The following ERC2 variants were observed in gnomAD, a reference collection of about 807,000 sequenced individuals.
ERC2 encodes ERC protein 2.
ERC2 carries 42 observed loss-of-function variants against 114.8 expected under a neutral mutation model. The ratio of observed to expected loss-of-function variants is 0.37; its 90% CI spans 0.29 to 0.47. The LOEUF is 0.47. ERC2 is among the 20% of genes least tolerant of loss of function. The pLI is 0.99. For synonymous variants in ERC2, 454 were observed against 425.5 expected (o/e 1.07, Z -0.82); for missense variants, 939 against 1,150.7 (o/e 0.82, Z 2.66).
At chr3:55,523,386 T>C (rs962340129) in intron 17 of ERC2, among the ~76,000 whole-genome samples, 2 of 152,172 alleles carry the variant, frequency 1.3e-5, no homozygotes, top group African/African-American at 4.8e-5. Flanking sequence ...CATGGCTGGG[T>C]CTTCCTTCAG....
intron 14 of ERC2, among the ~76,000 whole-genome samples, chr3:55,834,415 A>C (rs911887738): frequency 3.3e-5 from 5 of 152,238 alleles, no homozygotes; most frequent in Non-Finnish European, 7.3e-5. Flanking sequence ...ATGGTCTCTC[A>C]GACCACAGTG....
intron 4 of ERC2, among the ~76,000 whole-genome samples, chr3:56,169,610 A>C (rs1469927240): frequency 6.6e-6 from 1 of 152,186 alleles, no homozygotes; most frequent in Non-Finnish European, 1.5e-5. Flanking sequence ...GGATCTGCTA[A>C]TATCTTTTGA....
At chr3:55,793,683 C>T (rs1267507581) in intron 14 of ERC2, among the ~76,000 whole-genome samples, 3 of 152,122 alleles carry the variant, frequency 2.0e-5, no homozygotes, top group African/African-American at 7.2e-5. Flanking sequence ...ATAATTTACA[C>T]TGAATCTGTT....
chr3:56,064,226 G>A (rs1048439710), intron 7 of ERC2, among the ~76,000 whole-genome samples: 1 of 152,094 alleles, frequency 6.6e-6, no homozygotes, highest in Non-Finnish European at 1.5e-5. Flanking sequence ...AACACTACCG[G>A]GCAAGCCCTA....
intron 17 of ERC2, among the ~76,000 whole-genome samples, chr3:55,520,642 C>A (rs543941482): frequency 6.6e-6 from 1 of 152,098 alleles, no homozygotes; most frequent in Non-Finnish European, 1.5e-5. Context: ...TAAAAAGATA[C>A]GGCCTTGTGA....
At chr3:55,912,040 A>T (rs1192741545) in intron 13 of ERC2, among the ~76,000 whole-genome samples, 3 of 152,178 alleles carry the variant, frequency 2.0e-5, no homozygotes. Flanking sequence ...GTGATCTACC[A>T]AAGGGAACCA....
intron 15 of ERC2, among the ~76,000 whole-genome samples, chr3:55,701,613 T>TA (rs2063229330): frequency 6.6e-6 from 1 of 151,828 alleles, no homozygotes; most frequent in Non-Finnish European, 1.5e-5. Flanking sequence ...TAAAATTAAA[T>TA]AAAAAATCCC....
At chr3:55,676,257 T>C (rs1187524440) in intron 17 of ERC2, among the ~76,000 whole-genome samples, 2 of 151,850 alleles carry the variant, frequency 1.3e-5, no homozygotes, top group Non-Finnish European at 2.9e-5. Flanking sequence ...TGGGTGATCC[T>C]CTGAGATAAA....
At chr3:55,896,403 T>C (rs2063844090) in intron 13 of ERC2, among the ~76,000 whole-genome samples, 2 of 152,186 alleles carry the variant, frequency 1.3e-5, no homozygotes, top group African/African-American at 2.4e-5. Flanking sequence ...TGTGGTCCCA[T>C]TCTTTAGAAA....
chr3:55,696,745 A>C (rs543564072), intron 16 of ERC2, among the ~76,000 whole-genome samples: 1 of 152,200 alleles, frequency 6.6e-6, no homozygotes, highest in Non-Finnish European at 1.5e-5. Flanking sequence ...AATCTCCAGT[A>C]TAGGACAAGG....
intron 7 of ERC2, among the ~76,000 whole-genome samples, chr3:56,072,847 T>C (rs1488860248): frequency 6.6e-6 from 1 of 152,210 alleles, no homozygotes; most frequent in Non-Finnish European, 1.5e-5. Flanking sequence ...CTCAATCAGA[T>C]GCTTTATTCC....
intron 17 of ERC2, among the ~76,000 whole-genome samples, chr3:55,664,734 T>A (rs1264409295): frequency 1.3e-5 from 2 of 152,176 alleles, no homozygotes; most frequent in African/African-American, 4.8e-5. Flanking sequence ...CAGGCGAGGT[T>A]GTGGGGAAAC....
At chr3:56,344,298 T>C (rs2058219550) in intron 2 of ERC2, among the ~76,000 whole-genome samples, 3 of 152,136 alleles carry the variant, frequency 2.0e-5, no homozygotes, top group South Asian at 2.1e-4. Flanking sequence ...CAGCCCTCCA[T>C]TGCCCTGGCA....
chr3:56,460,531 A>T (rs1329468952), intron 1 of ERC2, among the ~76,000 whole-genome samples: 1 of 152,218 alleles, frequency 6.6e-6, no homozygotes, highest in African/African-American at 2.4e-5. Context: ...ATTTACCTGT[A>T]TAGGTAATAT....
At chr3:55,936,058 T>A (rs2066425081) in intron 13 of ERC2, among the ~76,000 whole-genome samples, 1 of 152,196 alleles carries the variant, frequency 6.6e-6, no homozygotes. Context: ...TTATTACCTA[T>A]CAGGCACTGA....
At chr3:55,918,359 T>C (rs1447577816) in intron 13 of ERC2, among the ~76,000 whole-genome samples, 6 of 152,132 alleles carry the variant, frequency 3.9e-5, no homozygotes, top group Non-Finnish European at 8.8e-5. Context: ...TGTCTCACTC[T>C]TCCTCCGAAT....
chr3:55,512,039 A>G (rs186795521), intron 17 of ERC2, among the ~76,000 whole-genome samples: 1 of 152,214 alleles, frequency 6.6e-6, no homozygotes, highest in Non-Finnish European at 1.5e-5. Context: ...GAGCTCAGCT[A>G]TCTGGGAAAT....
chr3:56,224,674 A>G (rs1436265822), intron 3 of ERC2, among the ~76,000 whole-genome samples: 1 of 152,204 alleles, frequency 6.6e-6, no homozygotes, highest in Non-Finnish European at 1.5e-5. Context: ...AAAAACACCC[A>G]CACACGGGTT....
intron 3 of ERC2, among the ~76,000 whole-genome samples, chr3:56,183,631 T>C (rs186908793): frequency 7.2e-5 from 11 of 152,356 alleles, no homozygotes; most frequent in Non-Finnish European, 8.8e-5. Context: ...CTGGGTCTAA[T>C]TGAATAATTT....
Sources: allele counts gnomAD v4.1 joint callset (sites outside exome capture counted in the v4.1 genomes callset), GRCh38; gene constraint gnomAD v4.1.1; transcripts MANE v1.5; gene names NCBI Gene and HGNC (gene_info 2026-07-23, HGNC 2026-07-21).